The following ADGRV1 variants were observed in gnomAD, a reference collection of about 807,000 sequenced individuals.
ADGRV1 encodes the protein adhesion G protein-coupled receptor V1.
Under a neutral mutation model 596.2 loss-of-function variants are expected in ADGRV1, and 359 were observed. The ratio of observed to expected loss-of-function variants is 0.60; its 90% CI spans 0.55 to 0.66. The LOEUF (loss-of-function observed/expected upper bound fraction) is 0.66, where lower values mean the gene tolerates loss of function less well. Among genes scored for constraint, ADGRV1 ranks in the 30% least tolerant of loss-of-function variants. The pLI, the probability that ADGRV1 is intolerant of heterozygous loss-of-function variation, is 0.00. For missense variants in ADGRV1, 7,274 were observed against 7,575.6 expected (o/e 0.96, Z 1.48); for synonymous variants, 2,681 against 2,679.2 (o/e 1.00, Z -0.02).
intron 1 of ADGRV1, among the ~76,000 whole-genome samples, chr5:90,566,035 A>C (rs1755589009): frequency 6.6e-6 from 1 of 151,876 alleles, no homozygotes; most frequent in African/African-American, 2.4e-5. Context: ...TTTTTTATTG[A>C]GTCATAAGAG....
At chr5:90,985,731 G>A (rs1212685656) in intron 85 of ADGRV1, among the ~76,000 whole-genome samples, 1 of 152,156 alleles carries the variant, frequency 6.6e-6, no homozygotes, top group East Asian at 1.9e-4. Context: ...AAGTGAGTTG[G>A]TGTATCAAAC....
intron 87 of ADGRV1, among the ~76,000 whole-genome samples, chr5:91,139,350 C>A (rs1794913214): frequency 1.3e-5 from 2 of 152,124 alleles, no homozygotes; most frequent in African/African-American, 4.8e-5. Flanking sequence ...ATATATGTAT[C>A]TTTGGCAAAC....
At chr5:90,761,777 C>G (rs1036508378) in intron 58 of ADGRV1, among the ~76,000 whole-genome samples, 1 of 152,152 alleles carries the variant, frequency 6.6e-6, no homozygotes, top group African/African-American at 2.4e-5. Context: ...AGCATGCGTG[C>G]TTGAGCTTTA....
At chr5:90,996,077 G>T (rs1208478585) in intron 85 of ADGRV1, among the ~76,000 whole-genome samples, 1 of 152,138 alleles carries the variant, frequency 6.6e-6, no homozygotes, top group Admixed American at 6.5e-5. Context: ...AGGTAGAAAA[G>T]AAAAACCCAT....
chr5:90,652,077 C>T (rs960509158), intron 18 of ADGRV1, among the ~76,000 whole-genome samples: 13 of 151,900 alleles, frequency 8.6e-5, no homozygotes, highest in Non-Finnish European at 1.9e-4. Context: ...AAACTTTTTC[C>T]AACTGTCATT....
In ADGRV1 at chr5:90,781,538, A is replaced by G. The variant is rs1199535189; in HGVS notation, c.13191A>G (p.Glu4397=). The G allele has an allele frequency of 1.2e-6, 2 of 1,611,232 alleles. No individual in the cohort carries two copies. The highest frequency in any genetic ancestry group is 3.3e-5 in the Admixed American group (2 of 59,746). The change falls in exon 65 of 90, where the codon GAA becomes GAG. Residue 4397 remains glutamate, a synonymous_variant. Coordinates refer to ENST00000405460, the MANE Select transcript of ADGRV1 (RefSeq NM_032119.4). ...RIIIMKNDNA[E]GIIEFDPKYT... is the part of the protein sequence containing the mutation. ...TAATAATGAAAAATGATAACGCAGA[A>G]GGCATCATTGAATTTGACCCAAAGT...
intron 85 of ADGRV1, among the ~76,000 whole-genome samples, chr5:91,039,588 G>C (rs1353250744): frequency 6.6e-6 from 1 of 152,156 alleles, no homozygotes; most frequent in Non-Finnish European, 1.5e-5. Flanking sequence ...CCAGAACATG[G>C]GGAAATAAAG....
chr5:90,648,304 T>C (rs1434391751), intron 17 of ADGRV1, among the ~76,000 whole-genome samples: 1 of 152,206 alleles, frequency 6.6e-6, no homozygotes, highest in Non-Finnish European at 1.5e-5. Context: ...TTAACCCCAC[T>C]CTTTGGGATT....
At chr5:90,932,279 T>G (rs576038571) in intron 83 of ADGRV1, among the ~76,000 whole-genome samples, 1 of 152,222 alleles carries the variant, frequency 6.6e-6, no homozygotes, top group East Asian at 1.9e-4. Context: ...CACGTCTACA[T>G]TGAGTTAGTT....
chr5:90,778,299 G>T (rs560981395), intron 62 of ADGRV1, 128 bp from the exon 63 acceptor site: 3 of 847,668 alleles, frequency 3.5e-6, no homozygotes, highest in Non-Finnish European at 5.5e-6. Flanking sequence ...AGGTGCCTGT[G>T]TATGGGATTA....
chr5:90,977,997 T>C (rs772418599), intron 84 of ADGRV1, among the ~76,000 whole-genome samples: 2 of 152,158 alleles, frequency 1.3e-5, no homozygotes, highest in Non-Finnish European at 2.9e-5. Context: ...TATTAATCAA[T>C]GAATAAATAT....
At chr5:91,147,510 C>T (rs188960119) in intron 87 of ADGRV1, among the ~76,000 whole-genome samples, 18 of 152,174 alleles carry the variant, frequency 1.2e-4, no homozygotes, top group Non-Finnish European at 2.4e-4. Flanking sequence ...GAGTGCATCT[C>T]ATTAGATCTG....
intron 82 of ADGRV1, among the ~76,000 whole-genome samples, 199 bp downstream of exon 82, chr5:90,856,100 A>G (rs1490598944): frequency 6.6e-6 from 1 of 152,200 alleles, no homozygotes; most frequent in Non-Finnish European, 1.5e-5. Context: ...CTGAGGATAC[A>G]GTAAAGAATG....
In ADGRV1 at chr5:90,703,825, A is replaced by T. The variant is rs766880237; in HGVS notation, c.8286+30A>T. 2.0e-6 allele frequency: 3 copies of T among 1,524,072 alleles called. No individual in the cohort carries two copies. The Admixed American group carries it at 6.1e-5, about 31-fold the overall frequency. The allele number at this position is 1,524,072 out of a possible 1,614,324, so 94.4% of individuals were successfully genotyped here. ...TACTGCAAAGAAAAGTCGATCACAA[A>T]TATCTAGAAAGAATGGTGTATTTTG... On this transcript the variant is annotated intron_variant, in intron 35 of 89. Coordinates refer to ENST00000405460, the MANE Select transcript of ADGRV1 (RefSeq NM_032119.4).
At chr5:90,857,696 T>C (rs915692779) in intron 82 of ADGRV1, among the ~76,000 whole-genome samples, 12 of 152,216 alleles carry the variant, frequency 7.9e-5, no homozygotes, top group African/African-American at 2.7e-4. Context: ...CAAAGTCTTG[T>C]CTTTGTACCT....
At chr5:91,060,113 T>C (rs1787269227) in intron 85 of ADGRV1, among the ~76,000 whole-genome samples, 1 of 152,178 alleles carries the variant, frequency 6.6e-6, no homozygotes, top group Admixed American at 6.5e-5. Context: ...CAACTTAAGA[T>C]AATAACCTTA....
At chr5:90,848,450 C>G (rs756576620) in intron 78 of ADGRV1, among the ~76,000 whole-genome samples, 187 bp from the exon 79 acceptor site, 30 of 151,856 alleles carry the variant, frequency 2.0e-4, no homozygotes, top group Non-Finnish European at 4.1e-4. Flanking sequence ...ATTACTTATG[C>G]CTTTTCAACT....
At chr5:91,019,840 G>A (rs951188532) in intron 85 of ADGRV1, among the ~76,000 whole-genome samples, 22 of 152,002 alleles carry the variant, frequency 1.4e-4, no homozygotes, top group South Asian at 6.2e-4. Context: ...TATGTAGAGC[G>A]AAATCTAATT....
chr5:90,704,530 T>G, intron 36 of ADGRV1, 42 bp downstream of exon 36: 1 of 1,251,474 alleles, frequency 8.0e-7, no homozygotes, highest in Admixed American at 2.2e-5. Flanking sequence ...GTATATTCTT[T>G]TCGTAAAAGA....
Sources: gnomAD v4.1 joint callset for allele counts (sites outside exome capture counted in the v4.1 genomes callset) on GRCh38, gnomAD v4.1.1 for gene constraint, MANE v1.5 for transcripts, NCBI Gene and HGNC (gene_info 2026-07-23, HGNC 2026-07-21) for gene names.